Variants in CTNNAL1 observed in about 807,000 individuals in gnomAD.
The protein encoded by CTNNAL1 is alpha-catulin.
A neutral mutation model predicts 93.6 loss-of-function variants in CTNNAL1; 69 were observed. That is an observed-to-expected ratio of 0.74 (90% CI 0.61 to 0.90). The LOEUF is 0.90. Ranked by LOEUF, CTNNAL1 falls within the 40% of genes least tolerant of loss-of-function variation. The pLI is 0.00. For missense variants in CTNNAL1, 836 were observed against 862.0 expected, an observed-to-expected ratio of 0.97 and a Z score of 0.38; for synonymous variants, 286 against 305.4, an observed-to-expected ratio of 0.94 and a Z score of 0.66.
chr9:109,008,046 A>G (rs2132222192), intron 1 of CTNNAL1, among the ~76,000 whole-genome samples: 1 of 152,266 alleles, frequency 6.6e-6, no homozygotes, highest in East Asian at 1.9e-4. Flanking sequence ...CATTATATGA[A>G]CATAGCACAA....
intron 14 of CTNNAL1, among the ~76,000 whole-genome samples, chr9:108,948,542 G>A (rs1466193262): frequency 3.9e-5 from 6 of 151,998 alleles, no homozygotes; most frequent in African/African-American, 4.8e-5. Context: ...TTAAATATGT[G>A]AGATTTGATA....
chr9:108,972,864 G>GGGGGGGGGGGGGGCCCCCCC, intron 8 of CTNNAL1, 31 bp from the exon 9 acceptor site: 5 of 142,518 alleles, frequency 3.5e-5, no homozygotes, highest in Non-Finnish European at 5.0e-5. Context: ...GGGGGGGTGG[G>GGGGGGGGGGGGGGCCCCCCC]AGGGTGGAGA....
At chr9:108,977,080 T>C in intron 7 of CTNNAL1, 32 bp from the exon 8 acceptor site, 1 of 987,010 alleles carries the variant, frequency 1.0e-6, no homozygotes, top group Non-Finnish European at 1.5e-6. Context: ...CATGTAATGT[T>C]ACCGCATCTC....
chr9:108,991,253 A>G (rs1484204008), intron 3 of CTNNAL1, among the ~76,000 whole-genome samples: 1 of 152,166 alleles, frequency 6.6e-6, no homozygotes, highest in African/African-American at 2.4e-5. Flanking sequence ...GTGAACCAGG[A>G]TGATAGGAAC....
chr9:109,000,575 T>A (rs1826768924), intron 1 of CTNNAL1, among the ~76,000 whole-genome samples: 1 of 152,140 alleles, frequency 6.6e-6, no homozygotes, highest in Non-Finnish European at 1.5e-5. Flanking sequence ...TCTGTGTAGC[T>A]ACCTGAAATT....
chr9:108,952,037 A>G (rs948325995), intron 14 of CTNNAL1, among the ~76,000 whole-genome samples, 172 bp downstream of exon 14: 2 of 152,196 alleles, frequency 1.3e-5, no homozygotes, highest in Non-Finnish European at 1.5e-5. Context: ...AATTAAATAC[A>G]TGTGTCTTGT....
intron 1 of CTNNAL1, among the ~76,000 whole-genome samples, chr9:109,004,493 A>G (rs1826952894): frequency 5.3e-5 from 8 of 152,214 alleles, no homozygotes; most frequent in Admixed American, 5.2e-4. Context: ...TTATAATGTT[A>G]GTAAGAAGAG....
chr9:108,961,470 C>G (rs547098260), intron 11 of CTNNAL1, among the ~76,000 whole-genome samples: 114 of 152,324 alleles, frequency 7.5e-4, no homozygotes, highest in Non-Finnish European at 1.5e-3. Context: ...CCTTCCTGAA[C>G]AGAGAGGCAC....
At chr9:108,948,064 A>G (rs1830455538) in intron 15 of CTNNAL1, 122 bp downstream of exon 15, 1 of 1,141,630 alleles carries the variant, frequency 8.8e-7, no homozygotes, top group African/African-American at 1.6e-5. Context: ...TGCTCTCTGT[A>G]ATACACAGGT....
At chr9:108,965,924 G>C (rs1830939670) in intron 10 of CTNNAL1, among the ~76,000 whole-genome samples, 1 of 152,168 alleles carries the variant, frequency 6.6e-6, no homozygotes, top group Admixed American at 6.5e-5. Context: ...AGTGGTAATA[G>C]TAGGAATGGT....
chr9:108,960,572 T>C (rs1458948103), intron 11 of CTNNAL1, among the ~76,000 whole-genome samples: 7 of 152,166 alleles, frequency 4.6e-5, no homozygotes, highest in Admixed American at 6.5e-5. Flanking sequence ...CTTGGCACGA[T>C]TGTGATCATA....
At chr9:108,952,747 T>A (rs1312377616) in intron 12 of CTNNAL1, among the ~76,000 whole-genome samples, 1 of 152,212 alleles carries the variant, frequency 6.6e-6, no homozygotes, top group Non-Finnish European at 1.5e-5. Flanking sequence ...CCTCTGTGCT[T>A]ACAGCTGCTC....
At chr9:108,993,562 C>T (rs1156445462) in intron 2 of CTNNAL1, among the ~76,000 whole-genome samples, 3 of 152,138 alleles carry the variant, frequency 2.0e-5, no homozygotes, top group African/African-American at 7.2e-5. Flanking sequence ...ATTGAACTCC[C>T]AACCCTCTAG....
At chr9:109,009,383 G>A (rs918588619) in intron 1 of CTNNAL1, among the ~76,000 whole-genome samples, 11 of 151,556 alleles carry the variant, frequency 7.3e-5, no homozygotes, top group Non-Finnish European at 2.9e-5. Flanking sequence ...CTTTTTACTG[G>A]TATGAGACAG....
chr9:108,952,536 C>A (rs372333801), intron 12 of CTNNAL1, 42 bp from the exon 13 acceptor site: 1 of 1,608,144 alleles, frequency 6.2e-7, no homozygotes, highest in Non-Finnish European at 8.5e-7. Flanking sequence ...AAAAGCAGTA[C>A]ATTAAACTGT....
chr9:108,945,241 T>A (rs1481651142), intron 15 of CTNNAL1, among the ~76,000 whole-genome samples: 2 of 152,242 alleles, frequency 1.3e-5, no homozygotes, highest in Non-Finnish European at 2.9e-5. Context: ...AATCTGTAGA[T>A]GCTTAAGTCC....
chr9:108,983,131 C>G lies in CTNNAL1; in HGVS notation c.900+14G>C. On this transcript the variant is annotated intron_variant, in intron 6 of 18. Coordinates refer to ENST00000325551, the MANE Select transcript of CTNNAL1 (RefSeq NM_003798.4). ...AAGAAGAGAAAAATAAAAATATACT[C>G]TCTTTATTCTTACCTTGAATTCCTT... is the stretch of plus-strand genomic sequence containing the variant. The G allele has an allele frequency of 6.8e-7, 1 of 1,468,666 alleles. No individual in the cohort carries two copies. The highest frequency in any genetic ancestry group is 9.0e-7 in the Non-Finnish European group (1 of 1,111,154). The allele number at this position is 1,468,666 out of a possible 1,614,324, so 91.0% of individuals were successfully genotyped here. A position where few individuals can be genotyped will look rare whatever the true frequency, so the allele number is the denominator to read the frequency against.
At position 108,952,511 on chromosome 9, in the gene CTNNAL1, A is replaced by AT. The variant is rs761580883; in HGVS notation, c.1630-18dup. ...ATTATTCTTCTGTGACAATAAAAAG[A>AT]TTAAGATTATCTTAAAAAGCAGTAC... On this transcript the variant is annotated splice_polypyrimidine_tract_variant and intron_variant, in intron 12 of 18. Coordinates refer to ENST00000325551, the MANE Select transcript of CTNNAL1 (RefSeq NM_003798.4). 1.9e-6 allele frequency: 3 copies of AT among 1,613,966 alleles called. No homozygotes were observed. The highest frequency in any genetic ancestry group is 4.5e-5 in the East Asian group (2 of 44,878).
At chr9:108,976,815 G>A in intron 8 of CTNNAL1, 147 bp downstream of exon 8, 1 of 404,380 alleles carries the variant, frequency 2.5e-6, no homozygotes, top group Non-Finnish European at 4.4e-6. Context: ...TTACGGGCAT[G>A]AGCCACCATG....
Sources: gnomAD v4.1 joint callset for allele counts (sites outside exome capture counted in the v4.1 genomes callset) on GRCh38, gnomAD v4.1.1 for gene constraint, MANE v1.5 for transcripts, NCBI Gene and HGNC (gene_info 2026-07-23, HGNC 2026-07-21) for gene names.